SLC6A14: variants seen among roughly 807,000 people sequenced by gnomAD.
SLC6A14 encodes solute carrier family 6 member 14, also known as sodium- and chloride-dependent neutral and basic amino acid transporter B(0+).
Under a neutral mutation model 51.4 loss-of-function variants are expected in SLC6A14, and 21 were observed. The ratio of observed to expected loss-of-function variants is 0.41; its 90% CI spans 0.29 to 0.59. SLC6A14 has a LOEUF of 0.59. Among genes scored for constraint, SLC6A14 ranks in the 20% least tolerant of loss-of-function variants. SLC6A14 has a pLI of 0.31. For missense variants in SLC6A14, 371 were observed against 472.8 expected (o/e 0.78, Z 2.00); for synonymous variants, 177 against 160.7 (o/e 1.10, Z -0.77).
In SLC6A14 at chrX:116,436,697, G is replaced by A; in HGVS notation, c.-13G>A. ...AAGAGGAGGCGAGGCGGAGCCAGCC[G>A]AGGGAGTGAACCATGGACAAGTTGA... On this transcript the variant is annotated 5_prime_UTR_variant, in exon 1 of 14. Coordinates refer to ENST00000598581, the MANE Select transcript of SLC6A14 (RefSeq NM_007231.5). The A allele has an allele frequency of 1.7e-6, 2 of 1,163,851 alleles. No homozygotes were observed. The highest frequency in any genetic ancestry group is 1.1e-6 in the Non-Finnish European group (1 of 870,778).
chrX:116,449,047 A>G (rs781862062), intron 7 of SLC6A14, among the ~76,000 whole-genome samples: 1 of 111,076 alleles, frequency 9.0e-6, no homozygotes, highest in East Asian at 2.8e-4. Context: ...GAATATCTGA[A>G]CTTCATTGAG....
At chrX:116,451,925 CT>C (rs1927832767) in intron 8 of SLC6A14, among the ~76,000 whole-genome samples, 2 of 111,751 alleles carry the variant, frequency 1.8e-5, no homozygotes, top group African/African-American at 6.5e-5. Flanking sequence ...TTGCTAAGCA[CT>C]TTCCATGCAT....
At chrX:116,444,542 T>C (rs1602511600) in intron 5 of SLC6A14, among the ~76,000 whole-genome samples, 1 of 112,164 alleles carries the variant, frequency 8.9e-6, no homozygotes, top group Non-Finnish European at 1.9e-5. Context: ...TAATTGTAAA[T>C]GTTTTCCTCA....
intron 2 of SLC6A14, among the ~76,000 whole-genome samples, chrX:116,440,745 C>T (rs1211046650): frequency 8.9e-6 from 1 of 111,886 alleles, no homozygotes; most frequent in Admixed American, 9.5e-5. Context: ...ATAATCACAA[C>T]AGCCTCATTA....
At position 116,457,647 on chromosome X, in the gene SLC6A14, T is replaced by A; in HGVS notation, c.1653T>A (p.Pro551=). ...FIWSLVQFHR[P]NYGAIPYPDW... ...GGTCATTGGTGCAATTTCATAGACC[T>A]AATTATGGCGCAATTCCATACCCTG... The change falls in exon 13 of 14, where the codon CCT becomes CCA. Residue 551 remains proline (P), a synonymous_variant. Coordinates refer to ENST00000598581, the MANE Select transcript of SLC6A14 (RefSeq NM_007231.5). 8.3e-7 allele frequency: 1 copy of A among 1,208,948 alleles called. No homozygotes were observed. Among genetic ancestry groups the A allele is most frequent in the African/African-American group, 1.7e-5 (1 of 57,737 alleles).
Position 116,446,772 on chromosome X carries a change from T to A in SLC6A14, c.821T>A (p.Val274Glu). The change falls in exon 7 of 14, where the codon GTG becomes GAG. Residue 274 changes from valine to glutamate, a missense_variant. Physicochemically the swap from Val to Glu is moderately radical, Grantham distance 121. Around this residue, in one of 2 missense-constraint regions of SLC6A14, gnomAD observed 277 missense variants for 391.8 expected, o/e 0.71. Coordinates refer to ENST00000598581, the MANE Select transcript of SLC6A14 (RefSeq NM_007231.5). The stretch of plus-strand genomic sequence containing the variant: ...TATTTTACAGCTCTTTTCCCCTATG[T>A]GGTCCTACTCATCCTGTTAGTACGA... Reference protein sequence around the residue: ...VVYFTALFPYVVLLILLVRGA... With the variant: ...VVYFTALFPYEVLLILLVRGA... The A allele has an allele frequency of 8.3e-7, 1 of 1,204,261 alleles. No homozygotes were observed. Among genetic ancestry groups the A allele is most frequent in the Non-Finnish European group, 1.1e-6 (1 of 888,881 alleles).
At chrX:116,436,889 A>T in intron 1 of SLC6A14, 132 bp downstream of exon 1, 2 of 523,952 alleles carry the variant, frequency 3.8e-6, no homozygotes, top group Non-Finnish European at 6.3e-6. Context: ...ATTAGGTGTG[A>T]CTGAGATATA....
At chrX:116,450,560 C>T (rs543049957) in intron 7 of SLC6A14, among the ~76,000 whole-genome samples, 1 of 111,627 alleles carries the variant, frequency 9.0e-6, no homozygotes, top group East Asian at 2.8e-4. Flanking sequence ...GTTCACAGCT[C>T]CATAATAGCA....
chrX:116,452,905 C>T (rs1927850128), intron 8 of SLC6A14, 112 bp from the exon 9 acceptor site: 1 of 590,965 alleles, frequency 1.7e-6, no homozygotes, highest in African/African-American at 2.4e-5. Context: ...AAATTTATGT[C>T]ATGGATTGTG....
chrX:116,450,530 T>A lies in SLC6A14; in HGVS notation c.931-912T>A, dbSNP rs192957147. 2.0e-4 allele frequency among the ~76,000 whole-genome samples: 22 copies of A among 111,804 alleles called. 1 individual carries two copies. The highest frequency in any genetic ancestry group is 3.8e-4 in the Admixed American group (4 of 10,537). ...TCGACATCACAGTTACACACCTACATATGGGGAATGTACAAGAATGTTCAC... is the reference window on the plus strand; with the variant it reads ...TCGACATCACAGTTACACACCTACAAATGGGGAATGTACAAGAATGTTCAC... On this transcript the variant is annotated intron_variant, in intron 7 of 13. Transcript: ENST00000598581.
intron 13 of SLC6A14, among the ~76,000 whole-genome samples, chrX:116,458,323 A>G (rs1556694925): frequency 8.9e-6 from 1 of 111,949 alleles, no homozygotes; most frequent in East Asian, 2.8e-4. Flanking sequence ...AAGTAGGCTT[A>G]GCAGCCTTAG....
In SLC6A14 at chrX:116,446,707, T is replaced by C. The variant is rs782346800; in HGVS notation, c.790-34T>C. The C allele has an allele frequency of 7.2e-6, 8 of 1,111,085 alleles. No homozygotes were observed. The East Asian group carries it at 1.8e-4, about 25-fold the overall frequency. The allele number at this position is 1,111,085 out of a possible 1,213,427, so 91.6% of individuals were successfully genotyped here. A position where few individuals can be genotyped will look rare whatever the true frequency, so the allele number is the denominator to read the frequency against. On this transcript the variant is annotated intron_variant, in intron 6 of 13. Transcript: ENST00000598581. ...CAGTTATACACCATGATTTTAAAAA[T>C]AATTTACTAATTTTTGGTTACTTTT...
At position 116,450,300 on chromosome X, in the gene SLC6A14, C is replaced by T. The variant is rs141279804; in HGVS notation, c.931-1142C>T. On this transcript the variant is annotated intron_variant, in intron 7 of 13. Coordinates refer to ENST00000598581, the MANE Select transcript of SLC6A14 (RefSeq NM_007231.5). ...AAATTACATCAAGAATTTTAAAAACCGAGTAAGACAGCCCAAACCCAAAAC... is the reference window on the plus strand; with the variant it reads ...AAATTACATCAAGAATTTTAAAAACTGAGTAAGACAGCCCAAACCCAAAAC... Among the ~76,000 whole-genome samples the T allele has an allele frequency of 7.8e-3, 865 of 110,884 alleles. 7 individuals are homozygous for T. Among genetic ancestry groups the T allele is most frequent in the African/African-American group, 0.027 (819 of 30,499 alleles).
Position 116,443,637 on chromosome X carries a change from C to T in SLC6A14, c.509-6C>T, listed in dbSNP as rs781938370. On this transcript the variant is annotated splice_region_variant and splice_polypyrimidine_tract_variant and intron_variant, in intron 4 of 13. Transcript: ENST00000598581. The stretch of plus-strand genomic sequence containing the variant: ...TGTCTGTGTCTATATTTTTTATCCT[C>T]TTTAGTAACTCACTGTAATGTGAGT... 1 of 1,116,737 alleles carries T rather than the reference C, an allele frequency of 9.0e-7. No individual in the cohort carries two copies. The highest frequency in any genetic ancestry group is 1.2e-6 in the Non-Finnish European group (1 of 838,346). 92.0% of individuals were successfully genotyped at this position (1,116,737 alleles called of 1,213,427 possible).
chrX:116,449,721 G>A (rs1369025403), intron 7 of SLC6A14, among the ~76,000 whole-genome samples: 1 of 111,651 alleles, frequency 9.0e-6, no homozygotes, highest in Non-Finnish European at 1.9e-5. Context: ...GTTAGCATAG[G>A]TATAAATATA....
chrX:116,436,898 T>A, intron 1 of SLC6A14, 141 bp downstream of exon 1: 2 of 497,199 alleles, frequency 4.0e-6, no homozygotes, highest in Non-Finnish European at 6.6e-6. Flanking sequence ...GACTGAGATA[T>A]ACCTATAGAG....
chrX:116,452,342 T>A (rs1425624221), intron 8 of SLC6A14, among the ~76,000 whole-genome samples: 1 of 111,256 alleles, frequency 9.0e-6, no homozygotes, highest in Admixed American at 9.6e-5. Flanking sequence ...GAAGGTCAAA[T>A]ATTTAGGAAG....
chrX:116,446,895 T>C lies in SLC6A14; in HGVS notation c.930+14T>C, dbSNP rs1927725726. 2 of 1,193,324 alleles carry C rather than the reference T, an allele frequency of 1.7e-6. No individual in the cohort carries two copies. The highest frequency in any genetic ancestry group is 5.9e-5 in the East Asian group (2 of 33,721). ...AAGGAAGCTGAGGTGAGTCTTAATTTGGATTTCAAATTATCTGAGGAGGTA... is the reference window on the plus strand; with the variant it reads ...AAGGAAGCTGAGGTGAGTCTTAATTCGGATTTCAAATTATCTGAGGAGGTA... On this transcript the variant is annotated intron_variant, in intron 7 of 13. Transcript: ENST00000598581.
chrX:116,439,163 A>C (rs1292037117), intron 2 of SLC6A14, among the ~76,000 whole-genome samples: 1 of 111,661 alleles, frequency 9.0e-6, no homozygotes, highest in African/African-American at 3.3e-5. Flanking sequence ...TAGGCCCAGT[A>C]ATTGCCACAA....
Sources: gnomAD v4.1 joint callset for allele counts (sites outside exome capture counted in the v4.1 genomes callset) on GRCh38, gnomAD v4.1.1 for gene constraint, gnomAD v4.1.1 regional missense constraint, MANE v1.5 for transcripts, NCBI Gene and HGNC (gene_info 2026-07-23, HGNC 2026-07-21) for gene names.